PRDM12: variants seen among roughly 807,000 people sequenced by gnomAD.
PRDM12 encodes PR domain zinc finger protein 12.
A neutral mutation model predicts 29.6 loss-of-function variants in PRDM12; 17 were observed. That is an observed-to-expected ratio of 0.57 (90% CI 0.39 to 0.86). The LOEUF (loss-of-function observed/expected upper bound fraction) is 0.86. PRDM12 is among the 40% of genes least tolerant of loss of function. PRDM12 has a pLI of 0.00. For synonymous variants in PRDM12, 231 were observed against 225.8 expected (o/e 1.02, Z -0.21); for missense variants, 422 against 510.8 (o/e 0.83, Z 1.68).
At position 130,673,766 on chromosome 9, in the gene PRDM12, G is replaced by A. The variant is rs192527879; in HGVS notation, c.571-4763G>A. On this transcript the variant is annotated intron_variant, in intron 3 of 4. Coordinates refer to ENST00000253008, the MANE Select transcript of PRDM12 (RefSeq NM_021619.3). ...GGCTCACCGCAACCTCTGCCTCCTG[G>A]ATTCAAGCGATTCTCCTGCCTCAGC... Among the ~76,000 whole-genome samples the A allele has an allele frequency of 4.4e-3, 650 of 146,662 alleles. 6 individuals are homozygous for A. Among genetic ancestry groups the A allele is most frequent in the African/African-American group, 0.016 (629 of 39,574 alleles).
chr9:130,681,578 C>G lies in PRDM12; in HGVS notation c.1013C>G (p.Pro338Arg). The change falls in exon 5 of 5, where the codon CCC (proline) becomes CGC (arginine). Residue 338 changes from proline (P) to arginine (R), a missense_variant. Transcript: ENST00000253008. This position sits in a 1 kb window ranked among gnomAD's most constrained non-coding sequence, Gnocchi z 8.1. ...TALQAHSPAL[P>R]APHAHAPALA... Reference sequence around the variant, plus strand: ...CTGCAGGCACACTCGCCCGCGCTGCCCGCCCCGCACGCGCACGCGCCCGCG... The same window carrying G: ...CTGCAGGCACACTCGCCCGCGCTGCGCGCCCCGCACGCGCACGCGCCCGCG... The G allele has an allele frequency of 1.7e-6, 2 of 1,182,532 alleles. No homozygotes were observed. Among genetic ancestry groups the G allele is most frequent in the Non-Finnish European group, 2.1e-6 (2 of 955,668 alleles). The allele number at this position is 1,182,532 out of a possible 1,614,324, so 73.3% of individuals were successfully genotyped here. A position where few individuals can be genotyped will look rare whatever the true frequency, so the allele number is the denominator to read the frequency against.
At chr9:130,675,600 C>T (rs548498468) in intron 3 of PRDM12, among the ~76,000 whole-genome samples, 7 of 152,316 alleles carry the variant, frequency 4.6e-5, no homozygotes, top group East Asian at 3.9e-4. Context: ...CAATCACTGG[C>T]GCTTCCATGT....
intron 4 of PRDM12, among the ~76,000 whole-genome samples, chr9:130,680,462 G>A (rs1423520894): frequency 1.3e-5 from 2 of 151,064 alleles, no homozygotes; most frequent in Non-Finnish European, 2.9e-5. Flanking sequence ...GTGAAACCCC[G>A]TCTGTACTAA....
At chr9:130,680,606 CAG>C (rs1830884654) in intron 4 of PRDM12, among the ~76,000 whole-genome samples, 1 of 120,656 alleles carries the variant, frequency 8.3e-6, no homozygotes, top group African/African-American at 3.2e-5. Context: ...AGCCTGGAGA[CAG>C]AGGGAGACTC....
intron 4 of PRDM12, among the ~76,000 whole-genome samples, chr9:130,680,634 AATATATAT>A (rs1181007721): frequency 1.1e-5 from 1 of 88,538 alleles, no homozygotes; most frequent in Non-Finnish European, 1.9e-5. Flanking sequence ...AAAAAAAAAA[AATATATAT>A]ATATATATAT....
chr9:130,664,828 C>A lies in PRDM12; in HGVS notation c.175C>A (p.Pro59Thr), dbSNP rs1429431626. Residue 59 changes from proline to threonine, a missense_variant, in exon 1 of 5, where the codon CCC (proline) becomes ACC (threonine). Transcript: ENST00000253008. The surrounding 1 kb of genome is among the most constrained non-coding windows in gnomAD (Gnocchi z 6.4). Reference sequence around the variant, plus strand: ...CGAGGACAAGAGCCACCACGCCAGCCCCAAGACAGCCTTCACCGCCGAGGT... The same window carrying A: ...CGAGGACAAGAGCCACCACGCCAGCACCAAGACAGCCTTCACCGCCGAGGT... The part of the protein sequence containing the change: ...LFEDKSHHAS[P>T]KTAFTAEVLA... 1 of 1,556,530 alleles carries A rather than the reference C, an allele frequency of 6.4e-7. No individual in the cohort carries two copies. Among genetic ancestry groups the A allele is most frequent in the Admixed American group, 1.9e-5 (1 of 51,854 alleles).
In PRDM12 at chr9:130,665,421, C is replaced by T. The variant is rs146300639; in HGVS notation, c.223+545C>T. Among the ~76,000 whole-genome samples, 132 of 152,270 alleles carry T rather than the reference C, an allele frequency of 8.7e-4. 1 individual carries two copies. Among genetic ancestry groups the T allele is most frequent in the Middle Eastern group, 3.4e-3 (1 of 294 alleles). ...TAAGATGTCTCAAGTTCTTATTCCT[C>T]ATTCATCAACCCGCAAACAATATCT... On this transcript the variant is annotated intron_variant, in intron 1 of 4. Coordinates refer to ENST00000253008, the MANE Select transcript of PRDM12 (RefSeq NM_021619.3).
chr9:130,667,264 C>T lies in PRDM12; in HGVS notation c.414+466C>T, dbSNP rs960489025. On this transcript the variant is annotated intron_variant, in intron 2 of 4. Transcript: ENST00000253008. ...CCTGGTGAAAGCAGAATGACATTCACGATGACTGTGGCTGAGGTGGCATTG... is the reference window on the plus strand; with the variant it reads ...CCTGGTGAAAGCAGAATGACATTCATGATGACTGTGGCTGAGGTGGCATTG... 3.3e-5 allele frequency among the ~76,000 whole-genome samples: 5 copies of T among 152,240 alleles called. No homozygotes were observed. In the South Asian group the frequency reaches 6.2e-4, roughly 19 times the overall value.
At position 130,668,050 on chromosome 9, in the gene PRDM12, C is replaced by A. The variant is rs1460410217; in HGVS notation, c.415-108C>A. The A allele has an allele frequency of 4.4e-6, 6 of 1,376,832 alleles. No individual in the cohort carries two copies. Among genetic ancestry groups the A allele is most frequent in the Non-Finnish European group, 5.0e-6 (5 of 1,000,066 alleles). The allele number at this position is 1,376,832 out of a possible 1,614,324, so 85.3% of individuals were successfully genotyped here. On this transcript the variant is annotated intron_variant, in intron 2 of 4. Coordinates refer to ENST00000253008, the MANE Select transcript of PRDM12 (RefSeq NM_021619.3). The surrounding 1 kb of genome is among the most constrained non-coding windows in gnomAD (Gnocchi z 4.0). ...CAGTGGGAAAATGAAGCTTTATCCACTTCCTGGGGCTGTTGTGAGGATGGA... is the reference window on the plus strand; with the variant it reads ...CAGTGGGAAAATGAAGCTTTATCCAATTCCTGGGGCTGTTGTGAGGATGGA...
rs1309085285 is a variant in PRDM12, at chr9:130,664,697, C to A, written c.44C>A (p.Thr15Asn). 32 of 1,608,524 alleles carry A rather than the reference C, an allele frequency of 2.0e-5. No homozygotes were observed. The highest frequency in any genetic ancestry group is 2.7e-5 in the Non-Finnish European group (32 of 1,179,344). ...VLPAEALVLK[T>N]GLKAPGLALA... ...CCGGCTGAGGCCCTGGTGCTCAAGACCGGGCTGAAGGCGCCGGGACTGGCG... is the reference window on the plus strand; with the variant it reads ...CCGGCTGAGGCCCTGGTGCTCAAGAACGGGCTGAAGGCGCCGGGACTGGCG... The change falls in exon 1 of 5, where the codon ACC (threonine) becomes AAC (asparagine). Residue 15 changes from threonine (T) to asparagine (N), a missense_variant. Around this residue, in one of 5 missense-constraint regions of PRDM12, gnomAD observed 300 missense variants for 350.0 expected, o/e 0.86. Coordinates refer to ENST00000253008, the MANE Select transcript of PRDM12 (RefSeq NM_021619.3). The surrounding 1 kb of genome is among the most constrained non-coding windows in gnomAD (Gnocchi z 6.4).
rs978344784 is a variant in PRDM12 at position 130,668,444 on chromosome 9, G to T, written c.570+131G>T. On this transcript the variant is annotated intron_variant, in intron 3 of 4. Coordinates refer to ENST00000253008, the MANE Select transcript of PRDM12 (RefSeq NM_021619.3). The surrounding 1 kb of genome is among the most constrained non-coding windows in gnomAD (Gnocchi z 4.0). ...CTGACACTGGCCTCGCTGGCTCTGC[G>T]CAGGCCATGGGGCTGTGGCAGACAG... 2.8e-6 allele frequency: 4 copies of T among 1,418,850 alleles called. No individual in the cohort carries two copies. Among genetic ancestry groups the T allele is most frequent in the Admixed American group, 3.9e-5 (2 of 51,526 alleles). 87.9% of individuals were successfully genotyped at this position (1,418,850 alleles called of 1,614,324 possible).
In PRDM12 at chr9:130,665,006, C is replaced by A. The variant is rs118147195; in HGVS notation, c.223+130C>A. ...CTCGCGCCAACCTGGGCTCTCCCGG[C>A]GCTCGGTGCACCTCAGTTTCCCCAT... On this transcript the variant is annotated intron_variant, in intron 1 of 4. Transcript: ENST00000253008. The A allele has an allele frequency of 3.4e-3, 3,165 of 944,550 alleles. 13 individuals carry two copies. Among genetic ancestry groups the A allele is most frequent in the Non-Finnish European group, 4.2e-3 (2,721 of 650,034 alleles). The allele number at this position is 944,550 out of a possible 1,614,324, so 58.5% of individuals were successfully genotyped here.
At chr9:130,665,005 G>A in intron 1 of PRDM12, 129 bp downstream of exon 1, 1 of 948,122 alleles carries the variant, frequency 1.1e-6, no homozygotes, top group Non-Finnish European at 1.5e-6. Flanking sequence ...GGCTCTCCCG[G>A]CGCTCGGTGC....
intron 3 of PRDM12, among the ~76,000 whole-genome samples, chr9:130,671,568 G>A (rs549063591): frequency 1.3e-5 from 2 of 152,188 alleles, no homozygotes; most frequent in East Asian, 1.9e-4. Flanking sequence ...ACATTTTTTT[G>A]TGGTGGCAGA....
intron 4 of PRDM12, among the ~76,000 whole-genome samples, chr9:130,680,634 A>AAAAATATATATATATATATAT (rs1469778040): frequency 1.1e-5 from 1 of 88,540 alleles, no homozygotes; most frequent in Admixed American, 1.5e-4. Flanking sequence ...AAAAAAAAAA[A>AAAAATATATATATATATATAT]ATATATATAT....
chr9:130,680,634 A>AATATATATATATATATAT (rs1181007721), intron 4 of PRDM12, among the ~76,000 whole-genome samples: 9 of 88,490 alleles, frequency 1.0e-4, no homozygotes, highest in African/African-American at 1.7e-4. Flanking sequence ...AAAAAAAAAA[A>AATATATATATATATATAT]ATATATATAT....
rs76175818 is a variant in PRDM12 at position 130,681,420 on chromosome 9, G to T, written c.855G>T (p.Thr285=). 1 of 1,600,052 alleles carries T rather than the reference G, an allele frequency of 6.2e-7. No individual in the cohort carries two copies. Among genetic ancestry groups the T allele is most frequent in the South Asian group, 1.1e-5 (1 of 89,510 alleles). Residue 285 remains threonine, a synonymous_variant, in exon 5 of 5, where the codon ACG becomes ACT. Transcript: ENST00000253008. This position sits in a 1 kb window ranked among gnomAD's most constrained non-coding sequence, Gnocchi z 8.1. ...ACCGCCGCTTCAGCCAGTCGTCCACGCTGCGCAACCACGTGCGCCTGCACA... is the reference window on the plus strand; with the variant it reads ...ACCGCCGCTTCAGCCAGTCGTCCACTCTGCGCAACCACGTGCGCCTGCACA... ...FCNRRFSQSS[T]LRNHVRLHTG...
chr9:130,674,530 GTGTA>G (rs1170843262), intron 3 of PRDM12, among the ~76,000 whole-genome samples: 12 of 147,884 alleles, frequency 8.1e-5, no homozygotes, highest in South Asian at 2.1e-4. Flanking sequence ...GTGTGTGTGT[GTGTA>G]TAGAAGTAAT....
chr9:130,668,079 T>G lies in PRDM12; in HGVS notation c.415-79T>G. 1 of 1,453,540 alleles carries G rather than the reference T, an allele frequency of 6.9e-7. No individual in the cohort carries two copies. Among genetic ancestry groups the G allele is most frequent in the Non-Finnish European group, 9.5e-7 (1 of 1,051,204 alleles). The allele number at this position is 1,453,540 out of a possible 1,614,324, so 90.0% of individuals were successfully genotyped here. On this transcript the variant is annotated intron_variant, in intron 2 of 4. Coordinates refer to ENST00000253008, the MANE Select transcript of PRDM12 (RefSeq NM_021619.3). The surrounding 1 kb of genome is among the most constrained non-coding windows in gnomAD (Gnocchi z 4.0). ...CTGGGGCTGTTGTGAGGATGGAGAGTGTGTGTGTGGATGTGCCTGGAAGAT... is the reference window on the plus strand; with the variant it reads ...CTGGGGCTGTTGTGAGGATGGAGAGGGTGTGTGTGGATGTGCCTGGAAGAT...
Sources: gnomAD v4.1 joint callset for allele counts (sites outside exome capture counted in the v4.1 genomes callset) on GRCh38, gnomAD v4.1.1 for gene constraint, gnomAD v4.1.1 regional missense constraint, Gnocchi (gnomAD v3.1) non-coding constraint, MANE v1.5 for transcripts, NCBI Gene and HGNC (gene_info 2026-07-23, HGNC 2026-07-21) for gene names.